The following SPIRE1 variants were observed in gnomAD, a reference collection of about 807,000 sequenced individuals.
The protein encoded by SPIRE1 is spire type actin nucleation factor 1.
Under a neutral mutation model 94.1 loss-of-function variants are expected in SPIRE1, and 40 were observed. The ratio of observed to expected loss-of-function variants is 0.43; its 90% CI spans 0.33 to 0.55. The LOEUF is 0.55. Among genes scored for constraint, SPIRE1 ranks in the 20% least tolerant of loss-of-function variants. SPIRE1 has a pLI of 0.06. For synonymous variants in SPIRE1, 376 were observed against 371.7 expected (o/e 1.01, Z -0.13); for missense variants, 838 against 975.2 (o/e 0.86, Z 1.87).
chr18:12,641,112 T>C (rs1466824299), intron 1 of SPIRE1, among the ~76,000 whole-genome samples: 1 of 152,148 alleles, frequency 6.6e-6, no homozygotes, highest in African/African-American at 2.4e-5. Context: ...ACAGGATTTG[T>C]TAATGGATTG....
At position 12,634,911 on chromosome 18, in the gene SPIRE1, G is replaced by T. The variant is rs2037880643; in HGVS notation, c.372+151C>A. On this transcript the variant is annotated intron_variant, in intron 2 of 16. Coordinates refer to ENST00000409402, the MANE Select transcript of SPIRE1 (RefSeq NM_001128626.2). ...GATCGTGCCATTGTACTCCAGCCTG[G>T]GCGACAAGAGCAAAAGTCCATCTCA... is the stretch of plus-strand genomic sequence containing the variant. 2 of 524,400 alleles carry T rather than the reference G, an allele frequency of 3.8e-6. 1 individual carries two copies. Among genetic ancestry groups the T allele is most frequent in the Non-Finnish European group, 6.8e-6 (2 of 294,272 alleles). 32.5% of individuals were successfully genotyped at this position (524,400 alleles called of 1,614,324 possible). A position where few individuals can be genotyped will look rare whatever the true frequency, so the allele number is the denominator to read the frequency against.
chr18:12,464,026 A>C (rs754537749), intron 11 of SPIRE1, among the ~76,000 whole-genome samples: 25 of 152,328 alleles, frequency 1.6e-4, no homozygotes, highest in Middle Eastern at 6.8e-3. Context: ...TTAGAAATAA[A>C]TTATGGTGCC....
At chr18:12,519,276 G>C (rs1388143096) in intron 4 of SPIRE1, among the ~76,000 whole-genome samples, 1 of 152,024 alleles carries the variant, frequency 6.6e-6, no homozygotes, top group Admixed American at 6.6e-5. Flanking sequence ...TTCATTTCTA[G>C]GTTCTAGGAA....
chr18:12,654,336 C>CAAA (rs199897679), intron 1 of SPIRE1, among the ~76,000 whole-genome samples: 34 of 98,940 alleles, frequency 3.4e-4, no homozygotes, highest in Admixed American at 7.6e-4. Context: ...GACTCCACCT[C>CAAA]AAAAAAAAAA....
chr18:12,535,559 G>T lies in SPIRE1; in HGVS notation c.646C>A (p.His216Asn). 1 of 1,613,124 alleles carries T rather than the reference G, an allele frequency of 6.2e-7. No individual in the cohort carries two copies. Among genetic ancestry groups the T allele is most frequent in the South Asian group, 1.1e-5 (1 of 91,030 alleles). ...AGTGCACGACATACTGCCTGATAATGATTTGGTGCATCTGATTCAGTAGGG... is the reference window on the plus strand; with the variant it reads ...AGTGCACGACATACTGCCTGATAATTATTTGGTGCATCTGATTCAGTAGGG... ...HLPTESDAPN[H>N]YQAVCRALFA... Residue 216 changes from histidine (H) to asparagine (N), a missense_variant, in exon 4 of 17, where the codon CAT becomes AAT. His to Asn is a moderately conservative substitution (Grantham distance 68, BLOSUM62 1). Transcript: ENST00000409402.
intron 3 of SPIRE1, among the ~76,000 whole-genome samples, chr18:12,546,290 C>T (rs111268621): frequency 0.077 from 11,775 of 152,032 alleles, 628 homozygotes; most frequent in Middle Eastern, 0.16. Flanking sequence ...CGCCCAGCCT[C>T]GTTATTATTT....
chr18:12,596,290 C>G (rs2036669724), intron 2 of SPIRE1, among the ~76,000 whole-genome samples: 1 of 152,096 alleles, frequency 6.6e-6, no homozygotes, highest in Non-Finnish European at 1.5e-5. Context: ...TCAAATAAAC[C>G]AAAACAATTA....
At chr18:12,461,704 T>C (rs113161124) in intron 12 of SPIRE1, among the ~76,000 whole-genome samples, 2 of 152,274 alleles carry the variant, frequency 1.3e-5, no homozygotes, top group African/African-American at 4.8e-5. Context: ...CTTAGTTCAC[T>C]GTGGCATCAA....
intron 1 of SPIRE1, among the ~76,000 whole-genome samples, chr18:12,640,166 CTTA>C (rs1162101981): frequency 6.6e-6 from 1 of 152,146 alleles, no homozygotes; most frequent in Admixed American, 6.5e-5. Flanking sequence ...ATATGGCTGA[CTTA>C]TCATGCAGTC....
intron 2 of SPIRE1, among the ~76,000 whole-genome samples, chr18:12,633,519 T>C (rs2037837047): frequency 1.3e-5 from 2 of 150,504 alleles, no homozygotes; most frequent in African/African-American, 4.9e-5. Flanking sequence ...GAGGTTGCAG[T>C]GAGCCAAGAT....
At chr18:12,526,866 C>T (rs556628310) in intron 4 of SPIRE1, among the ~76,000 whole-genome samples, 10 of 152,036 alleles carry the variant, frequency 6.6e-5, no homozygotes, top group Admixed American at 2.0e-4. Flanking sequence ...CATGCCACCA[C>T]GCCTGGCTAA....
chr18:12,473,767 G>C (rs2143700514), intron 10 of SPIRE1, among the ~76,000 whole-genome samples: 1 of 152,242 alleles, frequency 6.6e-6, no homozygotes, highest in East Asian at 1.9e-4. Context: ...AACTAAATAA[G>C]GGTTATTTAA....
intron 2 of SPIRE1, among the ~76,000 whole-genome samples, chr18:12,612,131 T>C (rs2037161088): frequency 6.6e-6 from 1 of 152,222 alleles, no homozygotes; most frequent in African/African-American, 2.4e-5. Context: ...AGCTACCTGC[T>C]TGTCAATAAC....
At chr18:12,499,254 A>G (rs1448515443) in intron 6 of SPIRE1, among the ~76,000 whole-genome samples, 3 of 147,812 alleles carry the variant, frequency 2.0e-5, no homozygotes, top group Non-Finnish European at 4.4e-5. Flanking sequence ...CAATTGGTGA[A>G]GAGACCTATT....
intron 10 of SPIRE1, among the ~76,000 whole-genome samples, chr18:12,476,357 G>A (rs904439025): frequency 7.9e-5 from 12 of 151,512 alleles, no homozygotes; most frequent in Non-Finnish European, 1.0e-4. Flanking sequence ...TGGCCAACAT[G>A]GTGAAACCCC....
chr18:12,494,700 A>G (rs535127850), intron 7 of SPIRE1, among the ~76,000 whole-genome samples: 92 of 151,106 alleles, frequency 6.1e-4, no homozygotes, highest in South Asian at 3.8e-3. Context: ...TTAGCCGGGC[A>G]TGGTGGCAGG....
rs2038591936 is a variant in SPIRE1, at chr18:12,657,696, C to T, written c.171G>A (p.Gln57=). 7.1e-7 allele frequency: 1 copy of T among 1,407,446 alleles called. No homozygotes were observed. The highest frequency in any genetic ancestry group is 2.6e-5 in the Admixed American group (1 of 39,062). The allele number at this position is 1,407,446 out of a possible 1,614,324, so 87.2% of individuals were successfully genotyped here. Residue 57 remains glutamine (Q), a synonymous_variant, in exon 1 of 17, where the codon CAG becomes CAA. Transcript: ENST00000409402. The part of the protein sequence containing the change: ...RLYNQPINEE[Q]AWAVCYQCCG... ...AGCACTGGTAGCACACGGCCCACGC[C>T]TGCTCCTCGTTGATGGGCTGGTTGT...
At chr18:12,598,057 G>A (rs2036728707) in intron 2 of SPIRE1, among the ~76,000 whole-genome samples, 1 of 152,028 alleles carries the variant, frequency 6.6e-6, no homozygotes, top group Non-Finnish European at 1.5e-5. Flanking sequence ...CTAACCAGAG[G>A]GCACATAATC....
At chr18:12,471,231 G>T (rs367770205) in intron 10 of SPIRE1, among the ~76,000 whole-genome samples, 2 of 152,162 alleles carry the variant, frequency 1.3e-5, no homozygotes, top group Admixed American at 1.3e-4. Flanking sequence ...GGGTGTGGGG[G>T]TCTAATTTTA....
Sources: gnomAD v4.1 joint callset for allele counts (sites outside exome capture counted in the v4.1 genomes callset) on GRCh38, gnomAD v4.1.1 for gene constraint, MANE v1.5 for transcripts, NCBI Gene and HGNC (gene_info 2026-07-23, HGNC 2026-07-21) for gene names.